Variants in MGLL observed in about 807,000 individuals in gnomAD.
The protein encoded by MGLL is lysophospholipase homolog.
Under a neutral mutation model 29.1 loss-of-function variants are expected in MGLL, and 7 were observed. The observed-to-expected ratio is 0.24, with a 90% CI of 0.14 to 0.45. The LOEUF (loss-of-function observed/expected upper bound fraction) is 0.45. Ranked by LOEUF, MGLL falls within the 20% of genes least tolerant of loss-of-function variation. The pLI is 0.99. For missense variants in MGLL, 356 were observed against 413.6 expected (o/e 0.86, Z 1.21); for synonymous variants, 148 against 168.3 (o/e 0.88, Z 0.93).
At chr3:127,772,418 A>G (rs114053452) in intron 3 of MGLL, among the ~76,000 whole-genome samples, 13 of 152,328 alleles carry the variant, frequency 8.5e-5, no homozygotes, top group African/African-American at 3.1e-4. Context: ...CCACACAGCA[A>G]ATTAGAGCCA....
At chr3:127,755,353 T>G (rs1237513134) in intron 3 of MGLL, among the ~76,000 whole-genome samples, 1 of 152,148 alleles carries the variant, frequency 6.6e-6, no homozygotes, top group East Asian at 1.9e-4. Context: ...TTATAAAGGA[T>G]AGCATGCCTC....
chr3:127,726,062 C>CA (rs142043194), intron 3 of MGLL, among the ~76,000 whole-genome samples: 68 of 117,024 alleles, frequency 5.8e-4, no homozygotes, highest in Admixed American at 3.2e-3. Context: ...GACCCTATCT[C>CA]AAAAAAAAAA....
At chr3:127,806,136 C>T (rs1057422953) in intron 2 of MGLL, among the ~76,000 whole-genome samples, 7 of 152,350 alleles carry the variant, frequency 4.6e-5, no homozygotes, top group African/African-American at 1.7e-4. Context: ...GAGCATGGGA[C>T]TGTGAGGGTC....
intron 2 of MGLL, among the ~76,000 whole-genome samples, chr3:127,789,076 A>G (rs1005123485): frequency 2.6e-5 from 4 of 151,980 alleles, no homozygotes; most frequent in African/African-American, 4.8e-5. Context: ...CAAACGCTCC[A>G]CTGGAGAGGT....
upstream of MGLL, chr3:127,822,575 T>A: frequency 1.9e-6 from 1 of 535,310 alleles, no homozygotes. Context: ...TACTAGTTCA[T>A]GTCATCACTT....
intron 5 of MGLL, among the ~76,000 whole-genome samples, chr3:127,718,984 G>A (rs2075868513): frequency 6.6e-6 from 1 of 152,208 alleles, no homozygotes; most frequent in South Asian, 2.1e-4. Flanking sequence ...TGCCAGAGAT[G>A]CAGGAGCAGC....
At chr3:127,774,832 G>T (rs2077006680) in intron 3 of MGLL, among the ~76,000 whole-genome samples, 1 of 152,124 alleles carries the variant, frequency 6.6e-6, no homozygotes, top group South Asian at 2.1e-4. Flanking sequence ...TTTCAACAGG[G>T]GATGCTGCTG....
At chr3:127,801,795 A>G (rs557123097) in intron 2 of MGLL, among the ~76,000 whole-genome samples, 1 of 148,070 alleles carries the variant, frequency 6.8e-6, no homozygotes, top group South Asian at 2.1e-4. Flanking sequence ...TAATAAATAT[A>G]TCATATATTT....
intron 7 of MGLL, among the ~76,000 whole-genome samples, chr3:127,693,118 T>C (rs1193272607): frequency 6.6e-6 from 1 of 152,256 alleles, no homozygotes; most frequent in Admixed American, 6.5e-5. Context: ...GCGACGCTAA[T>C]GGGCATCTCC....
At chr3:127,802,852 G>T (rs952883850) in intron 2 of MGLL, among the ~76,000 whole-genome samples, 2 of 152,206 alleles carry the variant, frequency 1.3e-5, no homozygotes, top group African/African-American at 4.8e-5. Context: ...GACTTTTAGA[G>T]CAGTCCATTA....
chr3:127,777,762 A>G (rs16833328), intron 3 of MGLL, among the ~76,000 whole-genome samples: 3,935 of 146,174 alleles, frequency 0.027, 169 homozygotes, highest in African/African-American at 0.093. Flanking sequence ...CGCAATGAGA[A>G]TGGATCTGCT....
chr3:127,783,448 G>A (rs952092869), intron 2 of MGLL, among the ~76,000 whole-genome samples: 1 of 152,110 alleles, frequency 6.6e-6, no homozygotes, highest in Non-Finnish European at 1.5e-5. Context: ...CTTGACATCA[G>A]CCCACAACCT....
intron 3 of MGLL, chr3:127,735,909 G>A (rs949795798): frequency 1.3e-6 from 2 of 1,536,654 alleles, no homozygotes; most frequent in Non-Finnish European, 1.7e-6. Context: ...AAGAGATGGG[G>A]CAGCTGGTCT....
chr3:127,780,674 A>G (rs1047016760), intron 3 of MGLL, among the ~76,000 whole-genome samples: 7 of 152,262 alleles, frequency 4.6e-5, no homozygotes, highest in Non-Finnish European at 8.8e-5. Context: ...TGTCCCAGCA[A>G]GCTTTTCACC....
chr3:127,727,010 T>C (rs1291202834), intron 3 of MGLL, among the ~76,000 whole-genome samples: 1 of 152,230 alleles, frequency 6.6e-6, no homozygotes, highest in Non-Finnish European at 1.5e-5. Flanking sequence ...TGCAAAACTC[T>C]TATGCTGTAT....
rs535301360 is a variant in MGLL at position 127,810,293 on chromosome 3, A to G, written c.155+11401T>C. On this transcript the variant is annotated intron_variant, in intron 2 of 7. Coordinates refer to ENST00000265052, the MANE Select transcript of MGLL (RefSeq NM_007283.7). ...TTGTTGAAGACCCCCAGTCTGTGGT[A>G]TTTTGTTATAGTGGTCCCAGCAGAG... 1.3e-4 allele frequency among the ~76,000 whole-genome samples: 19 copies of G among 151,772 alleles called. 1 individual carries two copies. The highest frequency in any genetic ancestry group is 2.7e-4 in the Non-Finnish European group (18 of 67,690).
chr3:127,705,728 A>G (rs891851716), intron 6 of MGLL, among the ~76,000 whole-genome samples: 1 of 150,992 alleles, frequency 6.6e-6, no homozygotes, highest in African/African-American at 2.4e-5. Context: ...GTAAGCCAAG[A>G]TCGCGCCACT....
intron 3 of MGLL, among the ~76,000 whole-genome samples, chr3:127,730,273 C>T (rs533239668): frequency 2.6e-5 from 4 of 152,232 alleles, no homozygotes; most frequent in Non-Finnish European, 2.9e-5. Context: ...CCTCCTCTTC[C>T]GGAAGCTGCT....
rs139834437 is a variant in MGLL, at chr3:127,761,623, G to C, written c.262+20166C>G. Among the ~76,000 whole-genome samples, 1 of 152,328 alleles carries C rather than the reference G, an allele frequency of 6.6e-6. No homozygotes were observed. The highest frequency in any genetic ancestry group is 2.4e-5 in the African/African-American group (1 of 41,570). ...TGGGCTACACCAGTCCACCACAAAG[G>C]TACTGTGGGTTTCCTCTTTTGGCTG... On this transcript the variant is annotated intron_variant, in intron 3 of 7. Coordinates refer to ENST00000265052, the MANE Select transcript of MGLL (RefSeq NM_007283.7). This position sits in a 1 kb window ranked among gnomAD's most constrained non-coding sequence, Gnocchi z 4.6.
Sources: gnomAD v4.1 joint callset for allele counts (sites outside exome capture counted in the v4.1 genomes callset) on GRCh38, gnomAD v4.1.1 for gene constraint, Gnocchi (gnomAD v3.1) non-coding constraint, MANE v1.5 for transcripts, NCBI Gene and HGNC (gene_info 2026-07-23, HGNC 2026-07-21) for gene names.